ELAC1: variants seen among roughly 807,000 people sequenced by gnomAD.
The protein encoded by ELAC1 is zinc phosphodiesterase ELAC protein 1.
A neutral mutation model predicts 25.8 loss-of-function variants in ELAC1; 19 were observed. The observed-to-expected ratio is 0.74, with a 90% CI of 0.51 to 1.08. The LOEUF (loss-of-function observed/expected upper bound fraction) is 1.08, where lower values mean the gene tolerates loss of function less well. Among genes scored for constraint, ELAC1 ranks in the 50% least tolerant of loss-of-function variants. The pLI, the probability that ELAC1 is intolerant of heterozygous loss-of-function variation, is 0.00. For missense variants in ELAC1, 403 were observed against 434.6 expected, an observed-to-expected ratio of 0.93 and a Z score of 0.65; for synonymous variants, 148 against 160.9, an observed-to-expected ratio of 0.92 and a Z score of 0.61.
rs1204719425 is a variant in ELAC1, at chr18:50,988,105, C to T, written c.*1020C>T. The T allele has an allele frequency of 2.6e-5, 4 of 152,292 alleles. No individual in the cohort carries two copies. Among genetic ancestry groups the T allele is most frequent in the South Asian group, 4.1e-4 (2 of 4,824 alleles). The allele number at this position is 152,292 out of a possible 1,614,324, so 9.4% of individuals were successfully genotyped here. A position where few individuals can be genotyped will look rare whatever the true frequency, so the allele number is the denominator to read the frequency against. On this transcript the variant is annotated 3_prime_UTR_variant, in exon 4 of 4. Transcript: ENST00000269466. ...TCATTGACGTGTCCCTATTAATAAA[C>T]GTTATTTGCCCCACAATGTTTCTTA...
chr18:50,972,746 G>A (rs1163766714), intron 1 of ELAC1, among the ~76,000 whole-genome samples: 2 of 152,156 alleles, frequency 1.3e-5, no homozygotes, highest in African/African-American at 4.8e-5. Context: ...GCCTCCCAAA[G>A]TGCTGGGATA....
chr18:50,973,604 C>G (rs942539290), intron 1 of ELAC1, among the ~76,000 whole-genome samples: 5 of 152,142 alleles, frequency 3.3e-5, no homozygotes, highest in Non-Finnish European at 7.3e-5. Context: ...AAGGGCTGAT[C>G]ATTATGGGCA....
Position 50,974,451 on chromosome 18 carries a change from C to T in ELAC1, c.47C>T (p.Ser16Phe). The T allele has an allele frequency of 1.9e-6, 3 of 1,592,124 alleles. No homozygotes were observed. Among genetic ancestry groups the T allele is most frequent in the South Asian group, 1.1e-5 (1 of 87,768 alleles). Residue 16 changes from serine to phenylalanine, a missense_variant, in exon 2 of 4, where the codon TCT (serine) becomes TTT (phenylalanine). Ser to Phe is a radical substitution (Grantham distance 155). Coordinates refer to ENST00000269466, the MANE Select transcript of ELAC1 (RefSeq NM_018696.3). ...TFLGTGAAYP[S>F]PTRGASAVVL... ...CTGGGGACGGGTGCAGCATACCCAT[C>T]TCCAACCCGGGGTGCCTCTGCTGTG...
rs1439846321 is a variant in ELAC1 at position 50,981,303 on chromosome 18, T to C, written c.158-2793T>C. 3.3e-5 allele frequency among the ~76,000 whole-genome samples: 5 copies of C among 152,144 alleles called. No individual in the cohort carries two copies. In the East Asian group the frequency reaches 9.6e-4, roughly 29 times the overall value. On this transcript the variant is annotated intron_variant, in intron 2 of 3. Coordinates refer to ENST00000269466, the MANE Select transcript of ELAC1 (RefSeq NM_018696.3). Reference sequence around the variant, plus strand: ...TCTCCCCTCATAGGTGAATTTTCTATGTACATAGATATGGTGATAGTATGG... The same window carrying C: ...TCTCCCCTCATAGGTGAATTTTCTACGTACATAGATATGGTGATAGTATGG...
chr18:50,986,715 A>G lies in ELAC1; in HGVS notation c.722A>G (p.Lys241Arg), dbSNP rs1908116773. ...ATTTCTCCCCAAGATGTCTTAAAAA[A>G]GCCTATTGTTGGAAGAAAAATCTGC... ...VTISPQDVLK[K>R]PIVGRKICIL... Residue 241 changes from lysine (K) to arginine (R), a missense_variant, in exon 4 of 4, where the codon AAG becomes AGG. Transcript: ENST00000269466. 9.3e-6 allele frequency: 15 copies of G among 1,614,188 alleles called. No individual in the cohort carries two copies. The highest frequency in any genetic ancestry group is 1.3e-5 in the Non-Finnish European group (15 of 1,180,038).
chr18:50,981,770 A>C (rs2144319933), intron 2 of ELAC1, among the ~76,000 whole-genome samples: 1 of 151,816 alleles, frequency 6.6e-6, no homozygotes, highest in East Asian at 1.9e-4. Flanking sequence ...GTGGATAGGG[A>C]AAGGGCCCAG....
chr18:50,986,011 C>CTTTTTTTTTTTTTTTTTTTTTTTTTTT, intron 3 of ELAC1, among the ~76,000 whole-genome samples: 1 of 85,010 alleles, frequency 1.2e-5, no homozygotes, highest in Non-Finnish European at 2.2e-5. Context: ...TTGATTATAT[C>CTTTTTTTTTTTTTTTTTTTTTTTTTTT]TTTTTTTTTT....
At chr18:50,971,910 GTGTA>G (rs1394449304) in intron 1 of ELAC1, among the ~76,000 whole-genome samples, 1,018 of 64,096 alleles carry the variant, frequency 0.016, 18 homozygotes, top group African/African-American at 0.044. Context: ...GTGTGTGTGT[GTGTA>G]TATATATATA....
At chr18:50,984,968 C>T (rs1186362305) in intron 3 of ELAC1, 1 of 219,828 alleles carries the variant, frequency 4.5e-6, no homozygotes, top group Non-Finnish European at 8.9e-6. Flanking sequence ...TTCCACTCCT[C>T]TATCCCAGGC....
chr18:50,971,300 A>C (rs1022969649), intron 1 of ELAC1, among the ~76,000 whole-genome samples: 1 of 152,206 alleles, frequency 6.6e-6, no homozygotes, highest in Non-Finnish European at 1.5e-5. Flanking sequence ...TTAGTTTGTG[A>C]CAGTAGCCAT....
intron 2 of ELAC1, among the ~76,000 whole-genome samples, chr18:50,976,558 A>G (rs527378287): frequency 2.0e-5 from 3 of 152,272 alleles, no homozygotes; most frequent in East Asian, 1.9e-4. Context: ...CCATGATTCA[A>G]TTACTTCCCA....
intron 1 of ELAC1, chr18:50,969,021 T>C (rs1907580337): frequency 6.6e-6 from 1 of 152,256 alleles, no homozygotes; most frequent in South Asian, 2.1e-4. Context: ...CCATTCCATC[T>C]GTTACCTTGT....
chr18:50,974,274 A>G (rs750312693), intron 1 of ELAC1, 123 bp from the exon 2 acceptor site: 9 of 791,248 alleles, frequency 1.1e-5, no homozygotes, highest in African/African-American at 3.6e-5. Flanking sequence ...GTGGAATACT[A>G]TGAGAGACCA....
chr18:50,982,867 G>A lies in ELAC1; in HGVS notation c.158-1229G>A, dbSNP rs75038383. Among the ~76,000 whole-genome samples, 395 of 151,096 alleles carry A rather than the reference G, an allele frequency of 2.6e-3. 4 individuals are homozygous for A. Among genetic ancestry groups the A allele is most frequent in the East Asian group, 0.016 (84 of 5,140 alleles). Reference sequence around the variant, plus strand: ...CTCCTTTTCCCCTCCCTTCCTCACCGTTCTTCCTTTTTCTCCATCTTCTTC... The same window carrying A: ...CTCCTTTTCCCCTCCCTTCCTCACCATTCTTCCTTTTTCTCCATCTTCTTC... On this transcript the variant is annotated intron_variant, in intron 2 of 3. Coordinates refer to ENST00000269466, the MANE Select transcript of ELAC1 (RefSeq NM_018696.3).
chr18:50,984,511 C>T lies in ELAC1; in HGVS notation c.573C>T (p.Val191=), dbSNP rs375188870. The T allele has an allele frequency of 2.6e-5, 42 of 1,613,068 alleles. No homozygotes were observed. The highest frequency in any genetic ancestry group is 3.4e-5 in the Non-Finnish European group (40 of 1,179,590). ...GAATTCCCTCATTTGGGTTTTCAGT[C>T]GTGGAAAAGAAACGCCCAGGTAAAC... is the stretch of plus-strand genomic sequence containing the variant. ...FHRIPSFGFS[V]VEKKRPGKLN... Residue 191 remains valine, a synonymous_variant, in exon 3 of 4, where the codon GTC becomes GTT. Coordinates refer to ENST00000269466, the MANE Select transcript of ELAC1 (RefSeq NM_018696.3).
chr18:50,977,684 A>C (rs1227236582), intron 2 of ELAC1, among the ~76,000 whole-genome samples: 1 of 152,174 alleles, frequency 6.6e-6, no homozygotes. Flanking sequence ...TTACTTACAC[A>C]AATTTCTGCA....
rs1392287625 is a variant in ELAC1, at chr18:50,986,682, G to T, written c.689G>T (p.Gly230Val). The T allele has an allele frequency of 6.2e-7, 1 of 1,613,978 alleles. No individual in the cohort carries two copies. Among genetic ancestry groups the T allele is most frequent in the Non-Finnish European group, 8.5e-7 (1 of 1,180,012 alleles). ...KNGISVVLEN[G>V]VTISPQDVLK... ...GGAATTTCTGTTGTTCTGGAAAATGGGGTTACAATTTCTCCCCAAGATGTC... is the reference window on the plus strand; with the variant it reads ...GGAATTTCTGTTGTTCTGGAAAATGTGGTTACAATTTCTCCCCAAGATGTC... Residue 230 changes from glycine to valine, a missense_variant, in exon 4 of 4, where the codon GGG becomes GTG. Transcript: ENST00000269466.
Position 50,986,603 on chromosome 18 carries a change from C to G in ELAC1, c.626-16C>G. The G allele has an allele frequency of 1.3e-6, 2 of 1,555,602 alleles. No individual in the cohort carries two copies. The highest frequency in any genetic ancestry group is 1.8e-6 in the Non-Finnish European group (2 of 1,138,722). On this transcript the variant is annotated splice_polypyrimidine_tract_variant and intron_variant, in intron 3 of 3. Transcript: ENST00000269466. The stretch of plus-strand genomic sequence containing the variant: ...TTCCATTCCTATGATGTAATGTTAT[C>G]TGCCTTCATCATTAGGTGTTCCACC...
chr18:50,985,273 A>T (rs1908075871), intron 3 of ELAC1, among the ~76,000 whole-genome samples: 1 of 152,184 alleles, frequency 6.6e-6, no homozygotes, highest in South Asian at 2.1e-4. Context: ...CATCGTTCTT[A>T]ACCTTACAAC....
Sources: allele counts gnomAD v4.1 joint callset (sites outside exome capture counted in the v4.1 genomes callset), GRCh38; gene constraint gnomAD v4.1.1; transcripts MANE v1.5; gene names NCBI Gene and HGNC (gene_info 2026-07-23, HGNC 2026-07-21).